RSPO1: variants seen among roughly 807,000 people sequenced by gnomAD.
The protein encoded by RSPO1 is R-spondin 1.
Under a neutral mutation model 26.0 loss-of-function variants are expected in RSPO1, and 18 were observed. The observed-to-expected ratio is 0.69, with a 90% CI of 0.48 to 1.03. The LOEUF (loss-of-function observed/expected upper bound fraction) is 1.03. Among genes scored for constraint, RSPO1 ranks in the 50% least tolerant of loss-of-function variants. RSPO1 has a pLI of 0.00. For synonymous variants in RSPO1, 133 were observed against 137.4 expected, an observed-to-expected ratio of 0.97 and a Z score of 0.22; for missense variants, 309 against 352.3, an observed-to-expected ratio of 0.88 and a Z score of 0.98.
chr1:37,621,969 G>A (rs547712213), intron 3 of RSPO1, among the ~76,000 whole-genome samples: 3 of 152,040 alleles, frequency 2.0e-5, no homozygotes, highest in Non-Finnish European at 2.9e-5. Context: ...GCTTGGCTAA[G>A]AAGAGGTGGA....
chr1:37,618,973 G>A (rs973505365), intron 3 of RSPO1, among the ~76,000 whole-genome samples: 4 of 152,170 alleles, frequency 2.6e-5, no homozygotes, highest in African/African-American at 9.7e-5. Context: ...TAGAATCCCA[G>A]CACTTTGGGA....
rs374257169 is a variant in RSPO1, at chr1:37,618,056, G to A, written c.95-1381C>T. 8.5e-5 allele frequency among the ~76,000 whole-genome samples: 13 copies of A among 152,338 alleles called. No homozygotes were observed. In the South Asian group the frequency reaches 1.0e-3, roughly 12 times the overall value. On this transcript the variant is annotated intron_variant, in intron 3 of 6. Transcript: ENST00000356545. The stretch of plus-strand genomic sequence containing the variant: ...GCAGGACCACAGAGGTGTAAAACTA[G>A]GGAAAGGCAGAATTGCAGATAACTT...
chr1:37,613,307 C>T lies in RSPO1; in HGVS notation c.626-386G>A, dbSNP rs1201030701. 4.6e-5 allele frequency among the ~76,000 whole-genome samples: 7 copies of T among 152,206 alleles called. No homozygotes were observed. In the East Asian group the frequency reaches 1.3e-3, roughly 29 times the overall value. ...TATCCGCCACCAGCCACCTCTGGGG[C>T]CAGGCAAGAGCAGCAGCCAACCCCT... On this transcript the variant is annotated intron_variant, in intron 6 of 6. Coordinates refer to ENST00000356545, the MANE Select transcript of RSPO1 (RefSeq NM_001242908.2). This position sits in a 1 kb window ranked among gnomAD's most constrained non-coding sequence, Gnocchi z 4.5.
intron 3 of RSPO1, among the ~76,000 whole-genome samples, chr1:37,621,612 T>C (rs943905622): frequency 6.6e-6 from 1 of 151,772 alleles, no homozygotes; most frequent in Admixed American, 6.6e-5. Context: ...AGGAGGGGGT[T>C]CGGGTGGGAA....
At chr1:37,616,340 C>T (rs376766347) in intron 4 of RSPO1, 144 bp downstream of exon 4, 32 of 705,706 alleles carry the variant, frequency 4.5e-5, no homozygotes, top group African/African-American at 1.2e-4. Context: ...TGGAAGTGTG[C>T]GGCTGGATAC....
At chr1:37,630,473 G>A (rs1480738912) in intron 2 of RSPO1, among the ~76,000 whole-genome samples, 2 of 152,240 alleles carry the variant, frequency 1.3e-5, no homozygotes, top group African/African-American at 4.8e-5. Context: ...TGGGCTTGGC[G>A]GGAGAAAAGG....
chr1:37,628,540 G>A (rs559553912), intron 3 of RSPO1, among the ~76,000 whole-genome samples: 84 of 152,350 alleles, frequency 5.5e-4, no homozygotes, highest in African/African-American at 2.0e-3. Context: ...CTGCCTGTGG[G>A]TGTGGCATCT....
chr1:37,617,386 C>T (rs576866034), intron 3 of RSPO1, among the ~76,000 whole-genome samples: 1 of 152,188 alleles, frequency 6.6e-6, no homozygotes, highest in African/African-American at 2.4e-5. Flanking sequence ...AAGTCGGGCG[C>T]GGTGACTCAC....
At position 37,612,749 on chromosome 1, in the gene RSPO1, G is replaced by A. The variant is rs568772955; in HGVS notation, c.*6C>T. On this transcript the variant is annotated 3_prime_UTR_variant, in exon 7 of 7. Transcript: ENST00000356545. ...TCTGCATGGGCCTGGAGGCTGGACA[G>A]TGTCCCTAGGCAGGCCCTGCAGATG... 9 of 1,609,318 alleles carry A rather than the reference G, an allele frequency of 5.6e-6. No homozygotes were observed. In the Middle Eastern group the frequency reaches 8.2e-4, roughly 147 times the overall value.
chr1:37,614,197 C>T lies in RSPO1; in HGVS notation c.423G>A (p.Glu141=), dbSNP rs1222317918. 2 of 1,613,042 alleles carry T rather than the reference C, an allele frequency of 1.2e-6. No individual in the cohort carries two copies. Residue 141 remains glutamate, a synonymous_variant, in exon 5 of 7, where the codon GAG becomes GAA. Coordinates refer to ENST00000356545, the MANE Select transcript of RSPO1 (RefSeq NM_001242908.2). ...GCCATGGCTTACCAGGACTACTGCACTCCATGGTGCCATTGGCAGCTGAGG... is the reference window on the plus strand; with the variant it reads ...GCCATGGCTTACCAGGACTACTGCATTCCATGGTGCCATTGGCAGCTGAGG... ...EGSSAANGTM[E]CSSPAQCEMS...
At chr1:37,617,333 A>G (rs893196605) in intron 3 of RSPO1, among the ~76,000 whole-genome samples, 2 of 152,112 alleles carry the variant, frequency 1.3e-5, no homozygotes, top group African/African-American at 4.8e-5. Flanking sequence ...CAAAATGTTA[A>G]TGACACTGAG....
intron 4 of RSPO1, among the ~76,000 whole-genome samples, 162 bp from the exon 5 acceptor site, chr1:37,614,495 G>A (rs1289139010): frequency 1.3e-5 from 2 of 152,230 alleles, no homozygotes; most frequent in Non-Finnish European, 2.9e-5. Context: ...GGAGGAAAGG[G>A]AAAGGAAGGG....
chr1:37,617,149 A>G (rs1049527494), intron 3 of RSPO1, among the ~76,000 whole-genome samples: 12 of 152,226 alleles, frequency 7.9e-5, no homozygotes, highest in East Asian at 3.8e-4. Context: ...TGCCTAGAAC[A>G]GGGGTCTCAA....
intron 3 of RSPO1, among the ~76,000 whole-genome samples, chr1:37,626,835 G>T (rs1644284425): frequency 6.6e-6 from 1 of 152,106 alleles, no homozygotes; most frequent in South Asian, 2.1e-4. Context: ...ATTACTCAGT[G>T]CGAGGGATGA....
At position 37,629,641 on chromosome 1, in the gene RSPO1, C is replaced by G. The variant is rs757045385; in HGVS notation, c.21G>C (p.Val7=). 2.0e-5 allele frequency: 33 copies of G among 1,614,018 alleles called. No homozygotes were observed. Among genetic ancestry groups the G allele is most frequent in the Non-Finnish European group, 2.8e-5 (33 of 1,180,044 alleles). Residue 7 remains valine (V), a synonymous_variant, in exon 3 of 7, where the codon GTG becomes GTC. Transcript: ENST00000356545. Reference sequence around the variant, plus strand: ...GCGTCCAGCTCAGAACCAGGGCCACCACACACAGCCCAAGCCGCATAGTCA... The same window carrying G: ...GCGTCCAGCTCAGAACCAGGGCCACGACACACAGCCCAAGCCGCATAGTCA... MRLGLC[V]VALVLSWTHL... is the part of the protein sequence containing the mutation.
At chr1:37,620,636 A>AAT (rs1644186397) in intron 3 of RSPO1, among the ~76,000 whole-genome samples, 1 of 135,898 alleles carries the variant, frequency 7.4e-6, no homozygotes, top group African/African-American at 2.6e-5. Context: ...TCAAAATAAT[A>AAT]ATAATAATAA....
In RSPO1 at chr1:37,613,854, A is replaced by G. The variant is rs914479918; in HGVS notation, c.475T>C (p.Cys159Arg). 4 of 1,614,100 alleles carry G rather than the reference A, an allele frequency of 2.5e-6. No homozygotes were observed. The highest frequency in any genetic ancestry group is 3.4e-6 in the Non-Finnish European group (4 of 1,180,012). ...CCACAGAGCTGCTGCTTCTTGGAGC[A>G]GGGCCCCCACGGAGACCACTCGCTC... ...EMSEWSPWGP[C>R]SKKQQLCGFR... The change falls in exon 6 of 7, where the codon TGC (cysteine) becomes CGC (arginine). Residue 159 changes from cysteine (C) to arginine (R), a missense_variant. Coordinates refer to ENST00000356545, the MANE Select transcript of RSPO1 (RefSeq NM_001242908.2). This position sits in a 1 kb window ranked among gnomAD's most constrained non-coding sequence, Gnocchi z 4.5.
chr1:37,625,421 G>A (rs1644261231), intron 3 of RSPO1, among the ~76,000 whole-genome samples: 1 of 152,218 alleles, frequency 6.6e-6, no homozygotes, highest in Non-Finnish European at 1.5e-5. Flanking sequence ...AGAACTCACC[G>A]TGACCCAGAG....
rs1644329328 is a variant in RSPO1 at position 37,629,737 on chromosome 1, C to T, written c.-76G>A. ...GTGGATAGCACACGGCTCTTGCTAA[C>T]ACCTCTGGGGCTGGGTCAGCAGCAG... On this transcript the variant is annotated 5_prime_UTR_variant, in exon 3 of 7. Transcript: ENST00000356545. 2 of 1,582,634 alleles carry T rather than the reference C, an allele frequency of 1.3e-6. No homozygotes were observed. The highest frequency in any genetic ancestry group is 4.7e-5 in the East Asian group (2 of 42,716).
Sources: gnomAD v4.1 joint callset for allele counts (sites outside exome capture counted in the v4.1 genomes callset) on GRCh38, gnomAD v4.1.1 for gene constraint, Gnocchi (gnomAD v3.1) non-coding constraint, MANE v1.5 for transcripts, NCBI Gene and HGNC (gene_info 2026-07-23, HGNC 2026-07-21) for gene names.